The following FOXN3 variants were observed in gnomAD, a reference collection of about 807,000 sequenced individuals.
The protein encoded by FOXN3 is forkhead box N3, also known as forkhead box protein N3.
FOXN3 carries 7 observed loss-of-function variants against 38.4 expected under a neutral mutation model. The ratio of observed to expected loss-of-function variants is 0.18; its 90% CI spans 0.10 to 0.34. FOXN3 has a LOEUF of 0.34. Among genes scored for constraint, FOXN3 ranks in the 10% least tolerant of loss-of-function variants. The probability of loss-of-function intolerance (pLI) is 1.00; values close to 1 mark genes in which losing one functional copy is unlikely to be tolerated. For missense variants in FOXN3, 456 were observed against 613.4 expected (o/e 0.74, Z 2.71); for synonymous variants, 230 against 242.2 (o/e 0.95, Z 0.47).
chr14:89,560,599 TGA>T (rs1165887785), intron 1 of FOXN3, among the ~76,000 whole-genome samples: 1 of 152,226 alleles, frequency 6.6e-6, no homozygotes, highest in Non-Finnish European at 1.5e-5. Context: ...TTTACAAATC[TGA>T]GTCTCATTTC....
intron 3 of FOXN3, among the ~76,000 whole-genome samples, chr14:89,332,523 TA>T (rs1432976418): frequency 1.3e-5 from 2 of 152,188 alleles, no homozygotes; most frequent in Non-Finnish European, 2.9e-5. Flanking sequence ...AAGACTTTGT[TA>T]AAACGAAATT....
intron 2 of FOXN3, chr14:89,356,635 A>G (rs1169740430): frequency 1.3e-5 from 2 of 152,074 alleles, no homozygotes; most frequent in Non-Finnish European, 2.9e-5. Flanking sequence ...TTTCTGACAC[A>G]CCATTTTGGA....
chr14:89,505,500 C>G (rs1433373781), intron 1 of FOXN3, among the ~76,000 whole-genome samples: 3 of 150,100 alleles, frequency 2.0e-5, no homozygotes, highest in African/African-American at 7.3e-5. Context: ...TGGTCTCCAG[C>G]TCCTAACCGC....
rs538860666 is a variant in FOXN3 at position 89,602,493 on chromosome 14, C to CT, written c.-15+16534dup. Among the ~76,000 whole-genome samples the CT allele has an allele frequency of 2.7e-3, 404 of 151,270 alleles. 4 individuals are homozygous for CT. The highest frequency in any genetic ancestry group is 8.0e-3 in the South Asian group (38 of 4,756). The stretch of plus-strand genomic sequence containing the variant: ...ACTGAGTGGTAGGTGACATTTTTTT[C>CT]TTTTTTTTCTTTTTTTCTTTTGAGA... On this transcript the variant is annotated intron_variant, in intron 1 of 6. Transcript: ENST00000345097.
intron 3 of FOXN3, among the ~76,000 whole-genome samples, chr14:89,301,371 G>T (rs1174830908): frequency 6.6e-6 from 1 of 151,934 alleles, no homozygotes. Flanking sequence ...AGCTACTCAG[G>T]AGGCTGAAAT....
chr14:89,335,077 TCACACACACACACACACA>T lies in FOXN3; in HGVS notation c.680+15577_680+15594del, dbSNP rs72014136. Among the ~76,000 whole-genome samples the T allele has an allele frequency of 3.4e-3, 476 of 139,128 alleles. 5 individuals are homozygous for T. The highest frequency in any genetic ancestry group is 7.8e-3 in the African/African-American group (300 of 38,438). The allele number at this position is 139,128 out of a possible 152,430, so 91.3% of individuals were successfully genotyped here. A position where few individuals can be genotyped will look rare whatever the true frequency, so the allele number is the denominator to read the frequency against. ...AGAGTAGAACTTAACTATTTTCATA[TCACACACACACACACACA>T]CACACACACACACACACACACACAC... On this transcript the variant is annotated intron_variant, in intron 3 of 5. Transcript: ENST00000557258.
chr14:89,446,259 G>A (rs1415876329), intron 1 of FOXN3, among the ~76,000 whole-genome samples: 1 of 130,576 alleles, frequency 7.7e-6, no homozygotes, highest in Non-Finnish European at 1.6e-5. Context: ...CCCAATCTCG[G>A]CTCACTGCAA....
At chr14:89,596,088 ATAC>A (rs1485989355) in intron 1 of FOXN3, among the ~76,000 whole-genome samples, 4 of 152,154 alleles carry the variant, frequency 2.6e-5, no homozygotes, top group Non-Finnish European at 4.4e-5. Flanking sequence ...TGCTAGATTC[ATAC>A]TACTAATATT....
intron 4 of FOXN3, among the ~76,000 whole-genome samples, chr14:89,217,249 C>A (rs920044699): frequency 3.3e-5 from 5 of 152,124 alleles, no homozygotes; most frequent in Admixed American, 6.5e-5. Flanking sequence ...ATCCTCCTGT[C>A]GCATTGCAGC....
At chr14:89,534,439 C>T (rs1285977261) in intron 1 of FOXN3, among the ~76,000 whole-genome samples, 1 of 152,096 alleles carries the variant, frequency 6.6e-6, no homozygotes, top group African/African-American at 2.4e-5. Flanking sequence ...TTTCAAGACT[C>T]ATTTTTCGAA....
intron 4 of FOXN3, among the ~76,000 whole-genome samples, chr14:89,222,732 C>A (rs1413214024): frequency 6.6e-6 from 1 of 152,164 alleles, no homozygotes; most frequent in Non-Finnish European, 1.5e-5. Context: ...TGGGATGACA[C>A]AATTGATGGT....
chr14:89,422,760 G>A (rs1891941880), intron 1 of FOXN3, among the ~76,000 whole-genome samples: 1 of 152,166 alleles, frequency 6.6e-6, no homozygotes. Context: ...AGATTCTGAA[G>A]GGTGGAGCCT....
rs1353731777 is a variant in FOXN3 at position 89,164,841 on chromosome 14, G to A, written c.852-1872C>T. 6.6e-6 allele frequency among the ~76,000 whole-genome samples: 1 copy of A among 152,158 alleles called. No homozygotes were observed. The highest frequency in any genetic ancestry group is 2.4e-5 in the African/African-American group (1 of 41,436). ...ACCCTCATGGGCCTTGAGGCTCAGG[G>A]AGACTTCAGCTGCATCCCACATAGA... On this transcript the variant is annotated intron_variant, in intron 5 of 5. Transcript: ENST00000557258. The surrounding 1 kb of genome is among the most constrained non-coding windows in gnomAD (Gnocchi z 4.3).
chr14:89,428,171 A>G (rs563455785), intron 1 of FOXN3, among the ~76,000 whole-genome samples: 1 of 152,352 alleles, frequency 6.6e-6, no homozygotes, highest in East Asian at 1.9e-4. Context: ...ACTCTCTGAG[A>G]AACAGAATAT....
At chr14:89,366,625 C>G (rs1352040996) in intron 2 of FOXN3, among the ~76,000 whole-genome samples, 1 of 152,152 alleles carries the variant, frequency 6.6e-6, no homozygotes, top group African/African-American at 2.4e-5. Flanking sequence ...ATTTTTAAAG[C>G]TCAAGGCCTA....
rs541659428 is a variant in FOXN3, at chr14:89,204,751, C to T, written c.746-23945G>A. ...TATAACTGCCATTGCTTTTGCTTTC[C>T]CTGAATAGTGCATATTCAATTTGAT... is the stretch of plus-strand genomic sequence containing the variant. On this transcript the variant is annotated intron_variant, in intron 4 of 5. Coordinates refer to ENST00000557258, the MANE Select transcript of FOXN3 (RefSeq NM_005197.4). 9.2e-5 allele frequency among the ~76,000 whole-genome samples: 14 copies of T among 152,190 alleles called. No individual in the cohort carries two copies. In the South Asian group the frequency reaches 2.9e-3, roughly 32 times the overall value.
At chr14:89,539,230 T>C (rs975295679) in intron 1 of FOXN3, among the ~76,000 whole-genome samples, 1 of 152,198 alleles carries the variant, frequency 6.6e-6, no homozygotes. Context: ...AATTTGTGCT[T>C]TTAAAGGCAT....
chr14:89,449,858 A>T (rs1156824110), intron 1 of FOXN3, among the ~76,000 whole-genome samples: 2 of 152,194 alleles, frequency 1.3e-5, no homozygotes, highest in African/African-American at 4.8e-5. Flanking sequence ...GGAGAGCCAG[A>T]ACACTGCCCT....
intron 1 of FOXN3, among the ~76,000 whole-genome samples, chr14:89,530,929 A>G (rs1405056735): frequency 6.8e-6 from 1 of 147,824 alleles, no homozygotes; most frequent in Non-Finnish European, 1.5e-5. Context: ...ATATTTTTAT[A>G]ATGAAATATA....
Sources: gnomAD v4.1 joint callset for allele counts (sites outside exome capture counted in the v4.1 genomes callset) on GRCh38, gnomAD v4.1.1 for gene constraint, Gnocchi (gnomAD v3.1) non-coding constraint, MANE v1.5 for transcripts, NCBI Gene and HGNC (gene_info 2026-07-23, HGNC 2026-07-21) for gene names.